GALNT14: variants seen among roughly 807,000 people sequenced by gnomAD.
The protein encoded by GALNT14 is polypeptide N-acetylgalactosaminyltransferase 14.
A neutral mutation model predicts 77.5 loss-of-function variants in GALNT14; 60 were observed. The observed-to-expected ratio is 0.77, with a 90% CI of 0.63 to 0.96. The LOEUF is 0.96. Ranked by LOEUF, GALNT14 falls within the 40% of genes least tolerant of loss-of-function variation. GALNT14 has a pLI of 0.00. For synonymous variants in GALNT14, 280 were observed against 281.7 expected, an observed-to-expected ratio of 0.99 and a Z score of 0.06; for missense variants, 710 against 731.0, an observed-to-expected ratio of 0.97 and a Z score of 0.33.
rs556563688 is a variant in GALNT14 at position 31,060,326 on chromosome 2, C to G, written c.130-67319G>C. Among the ~76,000 whole-genome samples, 13 of 152,296 alleles carry G rather than the reference C, an allele frequency of 8.5e-5. No homozygotes were observed. The South Asian group carries it at 2.1e-3, about 24-fold the overall frequency. ...ACTTTGCCAAAAATCCACATAAGAT[C>G]CCTGGACACACACAAGCCTACCACC... On this transcript the variant is annotated intron_variant, in intron 1 of 14. Coordinates refer to ENST00000349752, the MANE Select transcript of GALNT14 (RefSeq NM_024572.4).
intron 1 of GALNT14, among the ~76,000 whole-genome samples, chr2:31,038,745 C>T (rs1437249524): frequency 7.5e-6 from 1 of 133,238 alleles, no homozygotes; most frequent in Non-Finnish European, 1.6e-5. Flanking sequence ...TGAGATTCAG[C>T]AATTTTTTTT....
intron 2 of GALNT14, among the ~76,000 whole-genome samples, chr2:30,967,448 G>A (rs945421184): frequency 4.6e-5 from 7 of 152,190 alleles, no homozygotes; most frequent in South Asian, 4.1e-4. Flanking sequence ...TCATGGTGTC[G>A]GTCCAGAGAA....
chr2:30,958,623 T>A (rs1411440150), intron 3 of GALNT14, among the ~76,000 whole-genome samples, 159 bp from the exon 4 acceptor site: 1 of 152,116 alleles, frequency 6.6e-6, no homozygotes, highest in Non-Finnish European at 1.5e-5. Flanking sequence ...CCAGGAGGAA[T>A]GTAATTCTGC....
At chr2:30,997,272 A>G (rs1364927387) in intron 1 of GALNT14, among the ~76,000 whole-genome samples, 6 of 152,192 alleles carry the variant, frequency 3.9e-5, no homozygotes, top group African/African-American at 1.4e-4. Flanking sequence ...TCCAGCTTCC[A>G]AGAGCCCAAA....
chr2:30,999,751 C>T (rs1670246734), intron 1 of GALNT14, among the ~76,000 whole-genome samples: 1 of 152,208 alleles, frequency 6.6e-6, no homozygotes, highest in Non-Finnish European at 1.5e-5. Flanking sequence ...CATATTTTAT[C>T]AGGAGGAGAA....
chr2:31,049,035 T>C (rs1458391368), intron 1 of GALNT14, among the ~76,000 whole-genome samples: 1 of 152,204 alleles, frequency 6.6e-6, no homozygotes, highest in Non-Finnish European at 1.5e-5. Flanking sequence ...AGAGAGCATG[T>C]TGCCTTCAGA....
At chr2:30,946,476 T>C (rs1344720904) in intron 6 of GALNT14, among the ~76,000 whole-genome samples, 1 of 152,186 alleles carries the variant, frequency 6.6e-6, no homozygotes, top group Non-Finnish European at 1.5e-5. Context: ...TTTGCTCTGT[T>C]GCTCCTGCTC....
At chr2:30,997,655 C>A (rs1573122604) in intron 1 of GALNT14, among the ~76,000 whole-genome samples, 1 of 152,132 alleles carries the variant, frequency 6.6e-6, no homozygotes, top group African/African-American at 2.4e-5. Flanking sequence ...AGTATGATGC[C>A]ACAAACAGAA....
chr2:31,135,024 G>A (rs1264739810), intron 1 of GALNT14, among the ~76,000 whole-genome samples: 2 of 152,308 alleles, frequency 1.3e-5, no homozygotes, highest in East Asian at 3.9e-4. Flanking sequence ...TAGAAATGCT[G>A]GTGGCTGTTA....
intron 1 of GALNT14, among the ~76,000 whole-genome samples, chr2:31,006,645 C>T (rs1670691060): frequency 6.6e-6 from 1 of 152,134 alleles, no homozygotes; most frequent in Admixed American, 6.6e-5. Context: ...TGGAGATAGA[C>T]CTGGGAAGGA....
intron 1 of GALNT14, among the ~76,000 whole-genome samples, chr2:31,112,552 C>G (rs531764058): frequency 3.9e-5 from 6 of 152,274 alleles, no homozygotes; most frequent in African/African-American, 1.2e-4. Flanking sequence ...TTAGATGTCA[C>G]GATCGTCAAA....
intron 1 of GALNT14, among the ~76,000 whole-genome samples, chr2:31,074,762 C>T (rs1042838128): frequency 1.3e-5 from 2 of 152,172 alleles, no homozygotes; most frequent in Admixed American, 6.5e-5. Flanking sequence ...ATCACTTCTA[C>T]AATATTCTAT....
At chr2:31,097,093 G>C (rs1677040796) in intron 1 of GALNT14, among the ~76,000 whole-genome samples, 1 of 152,126 alleles carries the variant, frequency 6.6e-6, no homozygotes, top group Non-Finnish European at 1.5e-5. Context: ...ATAGTAGCCA[G>C]TGGTCTCAAG....
chr2:30,954,812 A>G (rs1332545878), intron 6 of GALNT14, among the ~76,000 whole-genome samples: 1 of 152,186 alleles, frequency 6.6e-6, no homozygotes, highest in Non-Finnish European at 1.5e-5. Flanking sequence ...AAAACATCAG[A>G]CCTAGTGATA....
Position 30,966,274 on chromosome 2 carries a change from G to T in GALNT14, c.328C>A (p.Leu110Ile), listed in dbSNP as rs759763856. The T allele has an allele frequency of 1.9e-6, 3 of 1,613,868 alleles. No homozygotes were observed. In the African/African-American group the frequency reaches 4.0e-5, roughly 22 times the overall value. Residue 110 changes from leucine (L) to isoleucine (I), a missense_variant, in exon 3 of 15, where the codon CTT becomes ATT. Leu to Ile is a conservative substitution (Grantham distance 5). Transcript: ENST00000349752. ...GTGATGATGATGCTAGTGGGTGGAA[G>T]GTCCGTGCAATACACCAGCAGTGTG... ...RCTLLVYCTDLPPTSIIITFH... is the reference protein window; with the variant it reads ...RCTLLVYCTDIPPTSIIITFH...
Position 30,945,681 on chromosome 2 carries a change from C to G in GALNT14, c.742+102G>C, listed in dbSNP as rs1011371420. ...GTGCAGGTTGCAGGCTGAGCTTTCT[C>G]GACAAGCAACTAAGAGCTTTTCCTT... On this transcript the variant is annotated intron_variant, in intron 7 of 14. Transcript: ENST00000349752. The G allele has an allele frequency of 3.2e-6, 3 of 944,186 alleles. No individual in the cohort carries two copies. In the Admixed American group the frequency reaches 5.7e-5, roughly 18 times the overall value. 58.5% of individuals were successfully genotyped at this position (944,186 alleles called of 1,614,324 possible).
At chr2:31,137,551 AAGG>A (rs1679279418) in intron 1 of GALNT14, among the ~76,000 whole-genome samples, 1 of 151,942 alleles carries the variant, frequency 6.6e-6, no homozygotes. Context: ...CAGCTGCGGG[AAGG>A]AGGTCAGCGC....
In GALNT14 at chr2:30,955,620, C is replaced by T. The variant is rs1235164418; in HGVS notation, c.652G>A (p.Glu218Lys). 1 of 1,614,108 alleles carries T rather than the reference C, an allele frequency of 6.2e-7. No individual in the cohort carries two copies. Among genetic ancestry groups the T allele is most frequent in the African/African-American group, 1.3e-5 (1 of 75,078 alleles). Residue 218 changes from glutamate to lysine, a missense_variant and splice_region_variant, in exon 6 of 15, where the codon GAG (glutamate) becomes AAG (lysine). Transcript: ENST00000349752. The stretch of plus-strand genomic sequence containing the variant: ...CCCTGCTCCTCAGCCTCACTCACCT[C>T]TTTGACCCTGTGCAACAGAGGCTGG... ...WLQPLLHRVK[E>K]DYTRVVCPVI... is the part of the protein sequence containing the mutation.
intron 3 of GALNT14, among the ~76,000 whole-genome samples, chr2:30,959,262 C>T (rs1667547194): frequency 6.6e-6 from 1 of 152,212 alleles, no homozygotes; most frequent in Non-Finnish European, 1.5e-5. Context: ...TGACTTTTCT[C>T]ACTTCCCAGC....
Sources: gnomAD v4.1 joint callset for allele counts (sites outside exome capture counted in the v4.1 genomes callset) on GRCh38, gnomAD v4.1.1 for gene constraint, MANE v1.5 for transcripts, NCBI Gene and HGNC (gene_info 2026-07-23, HGNC 2026-07-21) for gene names.